The following SEL1L2 variants were observed in gnomAD, a reference collection of about 807,000 sequenced individuals.
SEL1L2 encodes the protein SEL1L2 adaptor subunit of SYVN1 ubiquitin ligase.
Under a neutral mutation model 98.8 loss-of-function variants are expected in SEL1L2, and 89 were observed. The ratio of observed to expected loss-of-function variants is 0.90; its 90% CI spans 0.76 to 1.07. The LOEUF (loss-of-function observed/expected upper bound fraction) is 1.07, where lower values mean the gene tolerates loss of function less well. SEL1L2 is among the 50% of genes least tolerant of loss of function. The probability of loss-of-function intolerance (pLI) is 0.00; values close to 1 mark genes in which losing one functional copy is unlikely to be tolerated. For synonymous variants in SEL1L2, 262 were observed against 278.5 expected (o/e 0.94, Z 0.59); for missense variants, 788 against 812.0 (o/e 0.97, Z 0.36).
chr20:13,939,683 T>TTTTTTTTTG (rs2049655662), intron 2 of SEL1L2, among the ~76,000 whole-genome samples: 1 of 133,682 alleles, frequency 7.5e-6, no homozygotes, highest in Non-Finnish European at 1.6e-5. Flanking sequence ...TTTTTTTTTT[T>TTTTTTTTTG]GAGACAGAGT....
intron 5 of SEL1L2, among the ~76,000 whole-genome samples, chr20:13,897,518 A>C (rs1442542351): frequency 6.6e-6 from 1 of 152,220 alleles, no homozygotes; most frequent in East Asian, 1.9e-4. Flanking sequence ...AGGGATTAAC[A>C]TCCAGAATGT....
chr20:13,887,752 T>G lies in SEL1L2; in HGVS notation c.745+17A>C, dbSNP rs760914281. On this transcript the variant is annotated intron_variant, in intron 8 of 19. Coordinates refer to ENST00000284951, the MANE Select transcript of SEL1L2 (RefSeq NM_025229.2). ...TGGCAACTGTTTATTTTAAAATAAATTATGTGGATTACTTACTATAATCTG... is the reference window on the plus strand; with the variant it reads ...TGGCAACTGTTTATTTTAAAATAAAGTATGTGGATTACTTACTATAATCTG... 1 of 1,495,320 alleles carries G rather than the reference T, an allele frequency of 6.7e-7. No homozygotes were observed. Among genetic ancestry groups the G allele is most frequent in the East Asian group, 2.3e-5 (1 of 44,230 alleles). 92.6% of individuals were successfully genotyped at this position (1,495,320 alleles called of 1,614,324 possible).
rs539506676 is a variant in SEL1L2 at position 13,858,188 on chromosome 20, C to A, written c.1818+1074G>T. Among the ~76,000 whole-genome samples, 28 of 152,270 alleles carry A rather than the reference C, an allele frequency of 1.8e-4. 1 individual carries two copies. In the South Asian group the frequency reaches 5.6e-3, roughly 30 times the overall value. On this transcript the variant is annotated intron_variant, in intron 18 of 19. Transcript: ENST00000284951. ...AAGAAGCCCTTGGCTTCACTGTGCA[C>A]CACTAGCAGTTCTCAAATAGGAAAT...
intron 5 of SEL1L2, among the ~76,000 whole-genome samples, chr20:13,895,722 C>G (rs2047394470): frequency 2.0e-5 from 3 of 152,206 alleles, no homozygotes; most frequent in Admixed American, 1.3e-4. Flanking sequence ...TTCCATTCAG[C>G]ATAGTCATGG....
intron 5 of SEL1L2, among the ~76,000 whole-genome samples, chr20:13,903,940 C>T (rs933532257): frequency 6.6e-6 from 1 of 152,134 alleles, no homozygotes; most frequent in Non-Finnish European, 1.5e-5. Context: ...ATTATCAAGC[C>T]CACATTTTTA....
At chr20:13,901,986 A>G (rs1328728420) in intron 5 of SEL1L2, among the ~76,000 whole-genome samples, 1 of 152,048 alleles carries the variant, frequency 6.6e-6, no homozygotes, top group Non-Finnish European at 1.5e-5. Context: ...TTAATTACAT[A>G]TAGATTAAGG....
intron 1 of SEL1L2, among the ~76,000 whole-genome samples, chr20:13,961,689 AAGGACGACTCAGAAGGC>A (rs2050778993): frequency 6.6e-6 from 1 of 152,212 alleles, no homozygotes; most frequent in African/African-American, 2.4e-5. Flanking sequence ...ATGTAAAAGG[AAGGACGACTCAGAAGGC>A]AGAGCCAAGC....
chr20:13,980,132 T>C (rs1245661179), intron 1 of SEL1L2, among the ~76,000 whole-genome samples: 1 of 152,048 alleles, frequency 6.6e-6, no homozygotes, highest in East Asian at 1.9e-4. Flanking sequence ...ATCAGGAAAA[T>C]GCAAATTAAA....
chr20:13,966,373 C>T (rs1035330953), intron 1 of SEL1L2, among the ~76,000 whole-genome samples: 1 of 152,112 alleles, frequency 6.6e-6, no homozygotes, highest in Non-Finnish European at 1.5e-5. Context: ...GGCTGGAGTG[C>T]AACGGCACAA....
intron 3 of SEL1L2, among the ~76,000 whole-genome samples, chr20:13,926,884 T>A (rs2048931243): frequency 2.0e-5 from 3 of 152,170 alleles, no homozygotes; most frequent in Admixed American, 2.0e-4. Context: ...TGATTGGGTA[T>A]GATCATCAAA....
At chr20:13,917,062 G>A (rs1405745043) in intron 4 of SEL1L2, among the ~76,000 whole-genome samples, 1 of 152,002 alleles carries the variant, frequency 6.6e-6, no homozygotes, top group African/African-American at 2.4e-5. Context: ...CAAATCCAGG[G>A]TTTCCCTGGA....
chr20:13,898,137 T>C (rs1386476992), intron 5 of SEL1L2, among the ~76,000 whole-genome samples: 3 of 152,286 alleles, frequency 2.0e-5, no homozygotes, highest in South Asian at 4.1e-4. Flanking sequence ...TCTGGGTATA[T>C]AACCAAAAGA....
At chr20:13,850,843 A>G (rs1212814520) in intron 18 of SEL1L2, among the ~76,000 whole-genome samples, 1 of 152,176 alleles carries the variant, frequency 6.6e-6, no homozygotes, top group Non-Finnish European at 1.5e-5. Context: ...CCAAATTTGT[A>G]GTGATTTGTT....
At chr20:13,992,210 A>C (rs556051961), upstream of SEL1L2, among the ~76,000 whole-genome samples, 24 of 152,262 alleles carry the variant, frequency 1.6e-4, no homozygotes, top group Non-Finnish European at 3.2e-4. Flanking sequence ...GAACATGTTA[A>C]GAGGCTATGT....
At chr20:13,926,089 C>A (rs555216127) in intron 3 of SEL1L2, among the ~76,000 whole-genome samples, 1 of 152,130 alleles carries the variant, frequency 6.6e-6, no homozygotes, top group Admixed American at 6.5e-5. Flanking sequence ...GAGGACAAGG[C>A]GGGCGAATCA....
chr20:13,916,251 A>C (rs1028928798), intron 4 of SEL1L2, among the ~76,000 whole-genome samples: 2 of 152,228 alleles, frequency 1.3e-5, no homozygotes, highest in African/African-American at 4.8e-5. Context: ...CTGTCCTGCC[A>C]ACCCAGGAAG....
At chr20:13,912,291 G>T (rs987007811) in intron 5 of SEL1L2, among the ~76,000 whole-genome samples, 2 of 145,564 alleles carry the variant, frequency 1.4e-5, no homozygotes, top group African/African-American at 5.1e-5. Flanking sequence ...TTTTCTGTGG[G>T]ATTTTTTTTT....
intron 18 of SEL1L2, among the ~76,000 whole-genome samples, chr20:13,852,956 T>C (rs1337994173): frequency 6.6e-6 from 1 of 152,108 alleles, no homozygotes; most frequent in Admixed American, 6.5e-5. Context: ...CATATGTTAA[T>C]TAGAGGGAAC....
chr20:13,896,356 G>C (rs1335748223), intron 5 of SEL1L2, among the ~76,000 whole-genome samples: 1 of 152,096 alleles, frequency 6.6e-6, no homozygotes, highest in South Asian at 2.1e-4. Context: ...TGTAGTCCCA[G>C]CTACTAGGGA....
Sources: allele counts gnomAD v4.1 joint callset (sites outside exome capture counted in the v4.1 genomes callset), GRCh38; gene constraint gnomAD v4.1.1; transcripts MANE v1.5; gene names NCBI Gene and HGNC (gene_info 2026-07-23, HGNC 2026-07-21).